The following DMD variants were observed in gnomAD, a reference collection of about 807,000 sequenced individuals.
The protein encoded by DMD is mutant dystrophin.
In DMD, 63 loss-of-function variants were observed where a neutral mutation model predicts 330.1. That is an observed-to-expected ratio of 0.19 (90% CI 0.16 to 0.24). DMD has a LOEUF of 0.24. Among genes scored for constraint, DMD ranks in the 10% least tolerant of loss-of-function variants. The pLI is 1.00. For missense variants in DMD, 3,344 were observed against 2,684.1 expected, an observed-to-expected ratio of 1.25 and a Z score of -5.43; for synonymous variants, 1,223 against 959.8, an observed-to-expected ratio of 1.27 and a Z score of -5.07.
Position 32,673,323 on chromosome X carries a change from G to C in DMD, c.960+24547C>G, listed in dbSNP as rs745891330. ...TTTTATCCTAAGTCATGTGCCTTAC[G>C]AGTACCAACACTATTAGGAGATTTG... On this transcript the variant is annotated intron_variant, in intron 9 of 78. Transcript: ENST00000357033. Among the ~76,000 whole-genome samples, 4 of 111,218 alleles carry C rather than the reference G, an allele frequency of 3.6e-5. No individual in the cohort carries two copies. In the East Asian group the frequency reaches 8.5e-4, roughly 24 times the overall value.
intron 9 of DMD, among the ~76,000 whole-genome samples, chrX:32,696,479 G>A (rs1296015412): frequency 2.7e-5 from 3 of 111,698 alleles, no homozygotes; most frequent in Non-Finnish European, 5.6e-5. Context: ...AATTATCTGT[G>A]ATTTATGACA....
intron 18 of DMD, among the ~76,000 whole-genome samples, chrX:32,503,387 C>T (rs184142351): frequency 4.6e-4 from 51 of 111,923 alleles, no homozygotes; most frequent in Non-Finnish European, 8.8e-4. Flanking sequence ...GAAACTCTTT[C>T]ATATAATATG....
intron 55 of DMD, among the ~76,000 whole-genome samples, chrX:31,564,738 CT>C (rs1365458759): frequency 8.9e-6 from 1 of 112,057 alleles, no homozygotes; most frequent in Non-Finnish European, 1.9e-5. Flanking sequence ...TTATATCAGA[CT>C]GAAACATGTT....
chrX:32,660,123 G>T (rs927672425), intron 9 of DMD, among the ~76,000 whole-genome samples: 5 of 110,939 alleles, frequency 4.5e-5, no homozygotes, highest in Non-Finnish European at 1.9e-5. Flanking sequence ...TGATCTTAGG[G>T]TTCATAGAAC....
At chrX:31,682,521 G>A (rs2082437100) in intron 52 of DMD, among the ~76,000 whole-genome samples, 1 of 112,047 alleles carries the variant, frequency 8.9e-6, no homozygotes, top group African/African-American at 3.2e-5. Context: ...AAGTGTAAAT[G>A]AAAATGTCTT....
chrX:32,834,220 T>C (rs1375380315), intron 4 of DMD, among the ~76,000 whole-genome samples: 2 of 111,419 alleles, frequency 1.8e-5, no homozygotes, highest in Non-Finnish European at 3.8e-5. Context: ...ACATATAAAG[T>C]GCAAATATTT....
At chrX:33,205,243 TACTC>T (rs1285003000) in intron 1 of DMD, among the ~76,000 whole-genome samples, 2 of 112,861 alleles carry the variant, frequency 1.8e-5, no homozygotes, top group Non-Finnish European at 1.9e-5. Context: ...TTTTTTCACT[TACTC>T]AACTAGTTTA....
intron 19 of DMD, among the ~76,000 whole-genome samples, chrX:32,499,506 G>A (rs2043829094): frequency 9.0e-6 from 1 of 111,490 alleles, no homozygotes; most frequent in African/African-American, 3.3e-5. Flanking sequence ...CCATTTACAT[G>A]AGGTCCTAAA....
intron 43 of DMD, among the ~76,000 whole-genome samples, chrX:32,229,923 G>A (rs1056639996): frequency 9.3e-6 from 1 of 107,253 alleles, no homozygotes; most frequent in African/African-American, 3.4e-5. Flanking sequence ...GCACTATGCT[G>A]TATAATAGAT....
intron 2 of DMD, among the ~76,000 whole-genome samples, chrX:32,965,892 T>C: frequency 8.9e-6 from 1 of 111,894 alleles, no homozygotes; most frequent in Non-Finnish European, 1.9e-5. Flanking sequence ...GTTTTTAGAT[T>C]TTTATTTGTT....
chrX:31,173,389 A>C, intron 72 of DMD, 150 bp downstream of exon 72: 3 of 582,845 alleles, frequency 5.1e-6, no homozygotes, highest in Non-Finnish European at 8.5e-6. Flanking sequence ...CATGCAGTGG[A>C]ACGGCATGCA....
Position 32,786,086 on chromosome X carries a change from A to AGTGTGTGTGTGT in DMD, c.649+23395_649+23406dup, listed in dbSNP as rs368269067. ...CTCTTGCCTCTTGAGGAGGAATAAG[A>AGTGTGTGTGTGT]GTGTGTGTGTGTGTGTGTGTGTGTG... On this transcript the variant is annotated intron_variant, in intron 7 of 78. Coordinates refer to ENST00000357033, the MANE Select transcript of DMD (RefSeq NM_004006.3). Among the ~76,000 whole-genome samples the AGTGTGTGTGTGT allele has an allele frequency of 3.3e-3, 315 of 96,557 alleles. 2 individuals carry two copies. The highest frequency in any genetic ancestry group is 0.011 in the African/African-American group (291 of 25,822). 83.8% of individuals were successfully genotyped at this position (96,557 alleles called of 115,157 possible).
At chrX:32,802,992 A>AG (rs890665752) in intron 7 of DMD, among the ~76,000 whole-genome samples, 4 of 111,767 alleles carry the variant, frequency 3.6e-5, no homozygotes, top group Non-Finnish European at 7.5e-5. Context: ...AAAATGAGTT[A>AG]GGGAGGAGTC....
chrX:32,276,631 G>A (rs774007059), intron 43 of DMD, among the ~76,000 whole-genome samples: 11 of 111,714 alleles, frequency 9.8e-5, no homozygotes, highest in African/African-American at 3.6e-4. Context: ...GAGAGATACA[G>A]TGTCTCGACC....
At chrX:31,177,750 G>C (rs2040672773) in intron 71 of DMD, among the ~76,000 whole-genome samples, 182 bp downstream of exon 71, 1 of 109,032 alleles carries the variant, frequency 9.2e-6, no homozygotes, top group South Asian at 4.0e-4. Flanking sequence ...GATCTGTGTA[G>C]ATGGTACTTT....
intron 4 of DMD, among the ~76,000 whole-genome samples, chrX:32,834,128 C>T (rs752396382): frequency 1.3e-4 from 15 of 111,249 alleles, no homozygotes; most frequent in African/African-American, 3.9e-4. Flanking sequence ...GTCAAAGTCA[C>T]GGAATCATTT....
intron 53 of DMD, among the ~76,000 whole-genome samples, chrX:31,670,947 CT>C (rs2148686708): frequency 9.3e-6 from 1 of 107,247 alleles, no homozygotes; most frequent in South Asian, 4.2e-4. Context: ...GAGTCTCGCT[CT>C]TTCGCCCAGG....
intron 67 of DMD, among the ~76,000 whole-genome samples, chrX:31,199,920 T>C (rs1220699983): frequency 8.9e-6 from 1 of 111,896 alleles, no homozygotes; most frequent in Non-Finnish European, 1.9e-5. Flanking sequence ...TCACTCCTGT[T>C]ATCTTTCCCT....
At chrX:32,248,692 C>G (rs2097251971) in intron 43 of DMD, among the ~76,000 whole-genome samples, 1 of 110,101 alleles carries the variant, frequency 9.1e-6, no homozygotes, top group South Asian at 3.8e-4. Context: ...GAGCTAGTAA[C>G]CACGTAATTA....
Sources: allele counts gnomAD v4.1 joint callset (sites outside exome capture counted in the v4.1 genomes callset), GRCh38; gene constraint gnomAD v4.1.1; transcripts MANE v1.5; gene names NCBI Gene and HGNC (gene_info 2026-07-23, HGNC 2026-07-21).